RAB3GAP2: variants seen among roughly 807,000 people sequenced by gnomAD.
The protein encoded by RAB3GAP2 is RAB3 GTPase activating non-catalytic protein subunit 2, also known as rab3 GTPase-activating protein non-catalytic subunit.
A neutral mutation model predicts 185.3 loss-of-function variants in RAB3GAP2; 87 were observed. The ratio of observed to expected loss-of-function variants is 0.47; its 90% CI spans 0.39 to 0.56. The LOEUF is 0.56. Ranked by LOEUF, RAB3GAP2 falls within the 20% of genes least tolerant of loss-of-function variation. RAB3GAP2 has a pLI of 0.00. For missense variants in RAB3GAP2, 1,492 were observed against 1,638.2 expected (o/e 0.91, Z 1.54); for synonymous variants, 554 against 576.1 (o/e 0.96, Z 0.55).
intron 12 of RAB3GAP2, among the ~76,000 whole-genome samples, 166 bp from the exon 13 acceptor site, chr1:220,193,545 A>G (rs1658665058): frequency 6.6e-6 from 1 of 152,244 alleles, no homozygotes; most frequent in Non-Finnish European, 1.5e-5. Context: ...TGACATTTGT[A>G]ATATAAAATA....
At chr1:220,251,672 T>C (rs575162687) in intron 1 of RAB3GAP2, among the ~76,000 whole-genome samples, 199 of 152,276 alleles carry the variant, frequency 1.3e-3, no homozygotes, top group African/African-American at 4.1e-3. Flanking sequence ...TTATCATAGA[T>C]AGGACTGAAC....
rs192103382 is a variant in RAB3GAP2 at position 220,210,922 on chromosome 1, C to G, written c.434+33G>C. 884 of 1,613,830 alleles carry G rather than the reference C, an allele frequency of 5.5e-4. 10 individuals carry two copies. Among genetic ancestry groups the G allele is most frequent in the Non-Finnish European group, 9.5e-5 (112 of 1,179,838 alleles). On this transcript the variant is annotated intron_variant, in intron 5 of 34. Transcript: ENST00000358951. ...TATCTTAACAACTCATAAATCAAAG[C>G]AAAGAAAACAGATGACTCTTATTTA...
intron 1 of RAB3GAP2, among the ~76,000 whole-genome samples, chr1:220,270,902 A>C (rs1309235202): frequency 6.6e-6 from 1 of 152,166 alleles, no homozygotes; most frequent in African/African-American, 2.4e-5. Context: ...CTACTGCCTC[A>C]TTGCCCCAAC....
chr1:220,232,021 A>T (rs1659511026), intron 2 of RAB3GAP2, among the ~76,000 whole-genome samples: 1 of 152,176 alleles, frequency 6.6e-6, no homozygotes, highest in African/African-American at 2.4e-5. Flanking sequence ...AGATTTTTTT[A>T]TTACTCATAT....
intron 17 of RAB3GAP2, among the ~76,000 whole-genome samples, chr1:220,189,365 C>A (rs72747401): frequency 6.6e-6 from 1 of 151,718 alleles, no homozygotes; most frequent in Non-Finnish European, 1.5e-5. Context: ...TACAGGCGCC[C>A]GCCAATACTG....
intron 9 of RAB3GAP2, among the ~76,000 whole-genome samples, chr1:220,197,025 C>T (rs921328545): frequency 2.6e-5 from 4 of 151,346 alleles, no homozygotes; most frequent in Middle Eastern, 3.4e-3. Context: ...CTCACCCTGT[C>T]GCCCAGGCTG....
At chr1:220,267,573 G>C (rs1331701777) in intron 1 of RAB3GAP2, 3 of 1,364,536 alleles carry the variant, frequency 2.2e-6, no homozygotes, top group African/African-American at 2.9e-5. Context: ...CTGTTTTGAT[G>C]CCAGTTCCTC....
rs775206102 is a variant in RAB3GAP2 at position 220,205,993 on chromosome 1, C to A, written c.626G>T (p.Ser209Ile). 6.3e-7 allele frequency: 1 copy of A among 1,596,300 alleles called. No individual in the cohort carries two copies. Among genetic ancestry groups the A allele is most frequent in the Non-Finnish European group, 8.6e-7 (1 of 1,165,650 alleles). ...CACAATGGCAGCTGGATATAAGATACTCAACTCTTCATTCTATTTAAGAAA... is the reference window on the plus strand; with the variant it reads ...CACAATGGCAGCTGGATATAAGATAATCAACTCTTCATTCTATTTAAGAAA... ...PGVTEQNEEL[S>I]ILYPAAIVTI... Residue 209 changes from serine (S) to isoleucine (I), a missense_variant, in exon 8 of 35, where the codon AGT (serine) becomes ATT (isoleucine). This residue lies in a region of RAB3GAP2 where 243 missense variants were observed against 314.8 expected (regional missense o/e 0.77). Coordinates refer to ENST00000358951, the MANE Select transcript of RAB3GAP2 (RefSeq NM_012414.4).
chr1:220,204,627 C>T (rs758974181), intron 8 of RAB3GAP2, among the ~76,000 whole-genome samples: 38 of 151,944 alleles, frequency 2.5e-4, no homozygotes, highest in Non-Finnish European at 4.3e-4. Flanking sequence ...GGTACATGTG[C>T]ACAATGTGCA....
intron 1 of RAB3GAP2, among the ~76,000 whole-genome samples, chr1:220,243,957 A>C (rs999276608): frequency 2.0e-5 from 3 of 152,236 alleles, no homozygotes; most frequent in Admixed American, 6.5e-5. Flanking sequence ...ACCCACAGCC[A>C]ACATCATATT....
At chr1:220,214,330 A>G (rs1302678246) in intron 2 of RAB3GAP2, among the ~76,000 whole-genome samples, 1 of 152,204 alleles carries the variant, frequency 6.6e-6, no homozygotes, top group Non-Finnish European at 1.5e-5. Flanking sequence ...GTTTGAGGCC[A>G]GCCTGGCCCA....
intron 21 of RAB3GAP2, among the ~76,000 whole-genome samples, chr1:220,178,192 C>T (rs1658332641): frequency 6.6e-6 from 1 of 152,026 alleles, no homozygotes; most frequent in Non-Finnish European, 1.5e-5. Context: ...CTGTACGTGG[C>T]AAAGTTATTC....
intron 1 of RAB3GAP2, among the ~76,000 whole-genome samples, chr1:220,264,230 T>C (rs1436584518): frequency 6.6e-6 from 1 of 152,108 alleles, no homozygotes; most frequent in African/African-American, 2.4e-5. Flanking sequence ...GACTCTTAAG[T>C]ATTAACATTT....
At chr1:220,190,344 G>A (rs779365820) in intron 15 of RAB3GAP2, 33 bp downstream of exon 15, 9 of 1,613,734 alleles carry the variant, frequency 5.6e-6, no homozygotes, top group Non-Finnish European at 7.6e-6. Context: ...GTTAGCAGAG[G>A]AGCGTCAATC....
chr1:220,248,760 G>A (rs1372884312), intron 1 of RAB3GAP2, among the ~76,000 whole-genome samples: 2 of 152,020 alleles, frequency 1.3e-5, no homozygotes, highest in African/African-American at 4.8e-5. Flanking sequence ...TAATCCCCAT[G>A]TGCCATGGGA....
chr1:220,194,516 C>T (rs1237655394), intron 12 of RAB3GAP2, among the ~76,000 whole-genome samples: 1 of 152,110 alleles, frequency 6.6e-6, no homozygotes, highest in African/African-American at 2.4e-5. Flanking sequence ...CCTCAGCCAC[C>T]GGAGTAGCTG....
chr1:220,227,874 C>T (rs776291202), intron 2 of RAB3GAP2, among the ~76,000 whole-genome samples: 2 of 152,170 alleles, frequency 1.3e-5, no homozygotes, highest in Admixed American at 6.5e-5. Context: ...CCCTTAGTCT[C>T]CAAAGTAGCT....
chr1:220,168,064 A>C (rs1310684864), intron 24 of RAB3GAP2, among the ~76,000 whole-genome samples: 1 of 152,174 alleles, frequency 6.6e-6, no homozygotes, highest in Non-Finnish European at 1.5e-5. Flanking sequence ...ACATTTGTCT[A>C]GGCTCCTAAG....
At chr1:220,188,563 C>T (rs562849948) in intron 17 of RAB3GAP2, among the ~76,000 whole-genome samples, 1 of 152,240 alleles carries the variant, frequency 6.6e-6, no homozygotes, top group African/African-American at 2.4e-5. Context: ...AATATTGAGG[C>T]TGTGGAGTAA....
Sources: gnomAD v4.1 joint callset for allele counts (sites outside exome capture counted in the v4.1 genomes callset) on GRCh38, gnomAD v4.1.1 for gene constraint, gnomAD v4.1.1 regional missense constraint, MANE v1.5 for transcripts, NCBI Gene and HGNC (gene_info 2026-07-23, HGNC 2026-07-21) for gene names.